Variants in SYNJ1 observed in about 807,000 individuals in gnomAD.
SYNJ1 encodes synaptojanin 1.
In SYNJ1, 78 loss-of-function variants were observed where a neutral mutation model predicts 168.2. The observed-to-expected ratio is 0.46, with a 90% CI of 0.39 to 0.56. The LOEUF (loss-of-function observed/expected upper bound fraction) is 0.56. Among genes scored for constraint, SYNJ1 ranks in the 20% least tolerant of loss-of-function variants. The pLI is 0.00. For missense variants in SYNJ1, 1,303 were observed against 1,597.6 expected (o/e 0.82, Z 3.14); for synonymous variants, 539 against 548.6 (o/e 0.98, Z 0.24).
intron 26 of SYNJ1, 121 bp downstream of exon 26, chr21:32,644,847 G>T: frequency 9.3e-7 from 1 of 1,077,968 alleles, no homozygotes. Context: ...TTTATTTGTG[G>T]ATTAGTTTTA....
chr21:32,671,967 G>A (rs1007304091), intron 14 of SYNJ1, among the ~76,000 whole-genome samples: 2 of 148,196 alleles, frequency 1.3e-5, no homozygotes, highest in African/African-American at 5.0e-5. Context: ...GCTGAGGCAG[G>A]AGAATCGTTT....
At chr21:32,642,512 AG>A in intron 27 of SYNJ1, among the ~76,000 whole-genome samples, 1 of 152,338 alleles carries the variant, frequency 6.6e-6, no homozygotes, top group South Asian at 2.1e-4. Context: ...CTGGCAGACA[AG>A]TGGCTTCTGA....
chr21:32,680,889 T>C (rs1254829957), intron 11 of SYNJ1, among the ~76,000 whole-genome samples: 1 of 152,210 alleles, frequency 6.6e-6, no homozygotes, highest in Non-Finnish European at 1.5e-5. Context: ...AGTGCTGGGA[T>C]TATAGGCGTC....
At chr21:32,727,881 T>C (rs2043544195) in intron 1 of SYNJ1, 65 bp downstream of exon 1, 1 of 1,525,556 alleles carries the variant, frequency 6.6e-7, no homozygotes. Flanking sequence ...CTTGGAGGCG[T>C]CCGCCCGCCC....
At chr21:32,645,988 C>A in intron 24 of SYNJ1, 199 bp from the exon 25 acceptor site, 1 of 870,188 alleles carries the variant, frequency 1.1e-6, no homozygotes, top group Non-Finnish European at 1.9e-6. Context: ...AATGCTACCT[C>A]TGTGCTGACT....
At position 32,718,794 on chromosome 21, in the gene SYNJ1, C is replaced by G. The variant is rs182126766; in HGVS notation, c.124+7978G>C. The stretch of plus-strand genomic sequence containing the variant: ...TTAATGACTTTACTGTAAATTAAAC[C>G]ATACTTTCTCCTCTAATATATTAAT... On this transcript the variant is annotated intron_variant, in intron 2 of 32. Transcript: ENST00000674351. Among the ~76,000 whole-genome samples, 174 of 152,164 alleles carry G rather than the reference C, an allele frequency of 1.1e-3. 1 individual carries two copies. In the Middle Eastern group the frequency reaches 0.034, roughly 30 times the overall value.
Position 32,638,368 on chromosome 21 carries a change from T to G in SYNJ1, c.3915+540A>C, listed in dbSNP as rs1399626417. ...TCATCTCACAGTTTTTTCAAAAGAG[T>G]TTAATGAGATACTTTTAAGGAAAGA... On this transcript the variant is annotated intron_variant, in intron 31 of 32. Coordinates refer to ENST00000674351, the MANE Select transcript of SYNJ1 (RefSeq NM_203446.3). Among the ~76,000 whole-genome samples the G allele has an allele frequency of 2.6e-5, 4 of 151,778 alleles. 1 individual carries two copies. Among genetic ancestry groups the G allele is most frequent in the Admixed American group, 1.3e-4 (2 of 15,238 alleles).
chr21:32,720,163 C>A (rs887931549), intron 2 of SYNJ1, among the ~76,000 whole-genome samples: 3 of 151,906 alleles, frequency 2.0e-5, no homozygotes, highest in Non-Finnish European at 4.4e-5. Flanking sequence ...TGCTTGAACC[C>A]GGGAGGCAGA....
At position 32,630,426 on chromosome 21, in the gene SYNJ1, G is replaced by A. The variant is rs1222814838; in HGVS notation, c.*1379C>T. The A allele has an allele frequency of 6.6e-6, 1 of 152,378 alleles. No homozygotes were observed. Among genetic ancestry groups the A allele is most frequent in the African/African-American group, 2.4e-5 (1 of 41,412 alleles). The allele number at this position is 152,378 out of a possible 1,614,324, so 9.4% of individuals were successfully genotyped here. On this transcript the variant is annotated 3_prime_UTR_variant, in exon 33 of 33. Coordinates refer to ENST00000674351, the MANE Select transcript of SYNJ1 (RefSeq NM_203446.3). ...AAAAGGGACTTTGTTGGAACTTTTA[G>A]GTATAATTTGGTCTGAGTTATAGCC...
intron 30 of SYNJ1, 98 bp downstream of exon 30, chr21:32,639,573 A>C: frequency 2.1e-6 from 2 of 965,632 alleles, no homozygotes; most frequent in Non-Finnish European, 3.2e-6. Flanking sequence ...AAGAGTTTTT[A>C]ATTTTTTTAC....
chr21:32,696,989 C>A (rs2042235162), intron 4 of SYNJ1, among the ~76,000 whole-genome samples: 1 of 152,184 alleles, frequency 6.6e-6, no homozygotes. Context: ...CCCAGTATGT[C>A]CAACCACCAC....
intron 30 of SYNJ1, 21 bp from the exon 31 acceptor site, chr21:32,639,146 A>G (rs1235884318): frequency 8.1e-6 from 13 of 1,601,162 alleles, no homozygotes; most frequent in Non-Finnish European, 1.1e-5. Flanking sequence ...AGTGGTTGTC[A>G]GATGTTAGGT....
In SYNJ1 at chr21:32,695,180, A is replaced by T; in HGVS notation, c.582T>A (p.Ala194=). Residue 194 remains alanine (A), a synonymous_variant, in exon 5 of 33, where the codon GCT becomes GCA. Transcript: ENST00000674351. ...CGGVEIRTIY[A]AHKQAKACLI... ...GGCAAGCCTTCGCCTGTTTATGAGC[A>T]GCATAAATTGTTCTGATTTCTACTC... is the stretch of plus-strand genomic sequence containing the variant. 1 of 1,614,142 alleles carries T rather than the reference A, an allele frequency of 6.2e-7. No individual in the cohort carries two copies.
In SYNJ1 at chr21:32,641,879, G is replaced by C. The variant is rs2039852849; in HGVS notation, c.3588+17C>G. On this transcript the variant is annotated intron_variant, in intron 29 of 32. Coordinates refer to ENST00000674351, the MANE Select transcript of SYNJ1 (RefSeq NM_203446.3). ...TTAGAACCGAGACCCCTTGGCCCCA[G>C]GCGAGGTTTTACCTACCGGTCTGGC... is the stretch of plus-strand genomic sequence containing the variant. 6.3e-7 allele frequency: 1 copy of C among 1,594,398 alleles called. No homozygotes were observed. The highest frequency in any genetic ancestry group is 1.7e-5 in the Admixed American group (1 of 58,342).
chr21:32,725,714 A>G (rs1263684122), intron 2 of SYNJ1, among the ~76,000 whole-genome samples: 1 of 152,210 alleles, frequency 6.6e-6, no homozygotes, highest in African/African-American at 2.4e-5. Flanking sequence ...TTAAGGGCTT[A>G]TATTTGTAAG....
chr21:32,696,931 T>C (rs1312139651), intron 4 of SYNJ1, among the ~76,000 whole-genome samples: 1 of 152,232 alleles, frequency 6.6e-6, no homozygotes, highest in Non-Finnish European at 1.5e-5. Flanking sequence ...ACTTCCATAC[T>C]TTACTATTAC....
intron 4 of SYNJ1, among the ~76,000 whole-genome samples, chr21:32,698,441 A>C (rs1487182061): frequency 1.3e-5 from 2 of 152,232 alleles, no homozygotes; most frequent in East Asian, 3.8e-4. Context: ...GAAAAAGTAC[A>C]CAAGAGGAAA....
chr21:32,670,009 T>C (rs963476256), intron 15 of SYNJ1, among the ~76,000 whole-genome samples: 34 of 152,228 alleles, frequency 2.2e-4, no homozygotes, highest in African/African-American at 8.0e-4. Flanking sequence ...GGTTTATTAT[T>C]GTTTTTAAGT....
intron 18 of SYNJ1, among the ~76,000 whole-genome samples, chr21:32,660,065 T>A (rs1450185862): frequency 6.6e-6 from 1 of 152,216 alleles, no homozygotes; most frequent in African/African-American, 2.4e-5. Flanking sequence ...GCCCTAGGAC[T>A]ACCAGATTTG....
Sources: gnomAD v4.1 joint callset for allele counts (sites outside exome capture counted in the v4.1 genomes callset) on GRCh38, gnomAD v4.1.1 for gene constraint, MANE v1.5 for transcripts, NCBI Gene and HGNC (gene_info 2026-07-23, HGNC 2026-07-21) for gene names.